PRRG1: variants seen among roughly 807,000 people sequenced by gnomAD.
PRRG1 encodes the protein proline rich and Gla domain 1.
In PRRG1, 5 loss-of-function variants were observed where a neutral mutation model predicts 11.8. The ratio of observed to expected loss-of-function variants is 0.42; its 90% CI spans 0.22 to 0.89. The LOEUF is 0.89. Among genes scored for constraint, PRRG1 ranks in the 40% least tolerant of loss-of-function variants. PRRG1 has a pLI of 0.28. For missense variants in PRRG1, 155 were observed against 166.1 expected (o/e 0.93, Z 0.37); for synonymous variants, 66 against 60.4 (o/e 1.09, Z -0.43).
chrX:37,410,677 C>T (rs1932326502), intron 2 of PRRG1, among the ~76,000 whole-genome samples: 1 of 111,727 alleles, frequency 9.0e-6, no homozygotes, highest in African/African-American at 3.3e-5. Flanking sequence ...TGTGGTAATT[C>T]AAAAGGCAGC....
At chrX:37,439,793 CTTT>C (rs36010783) in intron 3 of PRRG1, among the ~76,000 whole-genome samples, 1 of 74,018 alleles carries the variant, frequency 1.4e-5, no homozygotes. Flanking sequence ...CTTTAAAATT[CTTT>C]TTTTTTTTTT....
intron 3 of PRRG1, among the ~76,000 whole-genome samples, chrX:37,443,914 A>G (rs1311966962): frequency 8.9e-6 from 1 of 112,152 alleles, no homozygotes; most frequent in Non-Finnish European, 1.9e-5. Context: ...AAAACTACTC[A>G]AAACATTTTG....
At chrX:37,415,460 A>C (rs192456940) in intron 2 of PRRG1, among the ~76,000 whole-genome samples, 2 of 112,144 alleles carry the variant, frequency 1.8e-5, no homozygotes, top group African/African-American at 6.5e-5. Flanking sequence ...TTAACAGTCC[A>C]CTTTGGAAAC....
At chrX:37,380,565 T>C (rs1931121826) in intron 1 of PRRG1, among the ~76,000 whole-genome samples, 1 of 111,029 alleles carries the variant, frequency 9.0e-6, no homozygotes, top group South Asian at 3.8e-4. Context: ...TCAAGTAAAA[T>C]GGTATGAATG....
intron 1 of PRRG1, among the ~76,000 whole-genome samples, chrX:37,376,764 A>T (rs1556372456): frequency 4.7e-5 from 5 of 105,313 alleles, no homozygotes; most frequent in Non-Finnish European, 3.9e-5. Flanking sequence ...CTTGATTTCC[A>T]TATAACAGGG....
At position 37,376,808 on chromosome X, in the gene PRRG1, A is replaced by G. The variant is rs1556372472; in HGVS notation, c.-42+27413A>G. On this transcript the variant is annotated intron_variant, in intron 1 of 3. Coordinates refer to ENST00000378628, the MANE Select transcript of PRRG1 (RefSeq NM_001142395.2). ...AGGGAGACATTGTGGAGATAATCAG[A>G]AACCTTTGGAGGCTATGAGCAACCT... Among the ~76,000 whole-genome samples the G allele has an allele frequency of 3.7e-5, 4 of 106,814 alleles. No homozygotes were observed. The East Asian group carries it at 1.2e-3, about 32-fold the overall frequency. The allele number at this position is 106,814 out of a possible 115,157, so 92.8% of individuals were successfully genotyped here. A position where few individuals can be genotyped will look rare whatever the true frequency, so the allele number is the denominator to read the frequency against.
chrX:37,439,274 A>G (rs1378547484), intron 3 of PRRG1, among the ~76,000 whole-genome samples: 2 of 112,224 alleles, frequency 1.8e-5, no homozygotes, highest in Admixed American at 1.9e-4. Context: ...ATAGTATCCA[A>G]TTCCAAAAGC....
chrX:37,379,449 T>C (rs781912828), intron 1 of PRRG1, among the ~76,000 whole-genome samples: 1 of 110,750 alleles, frequency 9.0e-6, no homozygotes, highest in South Asian at 3.8e-4. Flanking sequence ...TAGATATATG[T>C]TTAGTGCTAT....
At chrX:37,441,749 A>G in intron 3 of PRRG1, 1 of 787,520 alleles carries the variant, frequency 1.3e-6, no homozygotes, top group Non-Finnish European at 1.5e-6. Context: ...CTGCAGAACC[A>G]GCACAGTGGC....
intron 1 of PRRG1, among the ~76,000 whole-genome samples, chrX:37,359,030 A>G (rs984363800): frequency 9.8e-5 from 11 of 112,225 alleles, no homozygotes; most frequent in African/African-American, 3.6e-4. Context: ...ATTTAAAACA[A>G]TCAATTCTTT....
intron 1 of PRRG1, among the ~76,000 whole-genome samples, chrX:37,359,268 T>C: frequency 9.0e-6 from 1 of 111,088 alleles, no homozygotes; most frequent in Admixed American, 9.6e-5. Context: ...AACTGTAGTG[T>C]TTTTATAGAT....
intron 1 of PRRG1, among the ~76,000 whole-genome samples, chrX:37,356,660 G>A (rs1403763736): frequency 1.8e-5 from 2 of 110,912 alleles, no homozygotes; most frequent in African/African-American, 6.6e-5. Flanking sequence ...GATAGGTATG[G>A]GTAAACAGGA....
At chrX:37,397,913 G>T (rs1243748588) in intron 1 of PRRG1, among the ~76,000 whole-genome samples, 1 of 109,127 alleles carries the variant, frequency 9.2e-6, no homozygotes, top group East Asian at 2.9e-4. Context: ...TGTTTAGTTT[G>T]GGATGGGGAC....
At chrX:37,426,230 G>C (rs184444211) in intron 3 of PRRG1, among the ~76,000 whole-genome samples, 1 of 111,582 alleles carries the variant, frequency 9.0e-6, no homozygotes, top group Non-Finnish European at 1.9e-5. Flanking sequence ...TCTGCTGAGC[G>C]AGGATTTATC....
At chrX:37,439,586 C>T (rs1932936796) in intron 3 of PRRG1, among the ~76,000 whole-genome samples, 1 of 110,961 alleles carries the variant, frequency 9.0e-6, no homozygotes, top group Non-Finnish European at 1.9e-5. Context: ...ACAGTGCCCT[C>T]CTAGTTTAAT....
At chrX:37,444,422 G>A (rs930226360) in intron 3 of PRRG1, among the ~76,000 whole-genome samples, 2 of 112,196 alleles carry the variant, frequency 1.8e-5, no homozygotes, top group Non-Finnish European at 3.8e-5. Flanking sequence ...TTAGCCATTC[G>A]TGTTGACTTG....
intron 3 of PRRG1, 142 bp from the exon 4 acceptor site, chrX:37,452,994 T>C (rs947633041): frequency 1.7e-5 from 10 of 605,413 alleles, no homozygotes; most frequent in Admixed American, 1.2e-4. Context: ...ATGGAAAATA[T>C]AGACTTGTAG....
At chrX:37,400,793 A>T (rs1931944157) in intron 1 of PRRG1, among the ~76,000 whole-genome samples, 1 of 111,908 alleles carries the variant, frequency 8.9e-6, no homozygotes, top group African/African-American at 3.3e-5. Flanking sequence ...AAAAAATGAT[A>T]AAGGGAATAT....
intron 1 of PRRG1, among the ~76,000 whole-genome samples, chrX:37,388,793 A>G (rs782201342): frequency 4.1e-4 from 46 of 112,681 alleles, no homozygotes; most frequent in Non-Finnish European, 7.5e-4. Flanking sequence ...ACTTCTGCAA[A>G]TTTCTGCAGC....
Sources: gnomAD v4.1 joint callset for allele counts (sites outside exome capture counted in the v4.1 genomes callset) on GRCh38, gnomAD v4.1.1 for gene constraint, MANE v1.5 for transcripts, NCBI Gene and HGNC (gene_info 2026-07-23, HGNC 2026-07-21) for gene names.